The following RSF1 variants were observed in gnomAD, a reference collection of about 807,000 sequenced individuals.
The protein encoded by RSF1 is remodeling and spacing factor 1.
RSF1 carries 13 observed loss-of-function variants against 145.2 expected under a neutral mutation model. That is an observed-to-expected ratio of 0.09 (90% CI 0.06 to 0.14). The LOEUF (loss-of-function observed/expected upper bound fraction) is 0.14, where lower values mean the gene tolerates loss of function less well. RSF1 is among the 10% of genes least tolerant of loss of function. The pLI is 1.00. For synonymous variants in RSF1, 577 were observed against 592.6 expected (o/e 0.97, Z 0.38); for missense variants, 1,517 against 1,718.2 (o/e 0.88, Z 2.07).
chr11:77,757,355 G>A (rs905670460), intron 2 of RSF1, among the ~76,000 whole-genome samples: 1 of 152,148 alleles, frequency 6.6e-6, no homozygotes, highest in East Asian at 1.9e-4. Flanking sequence ...TAAATATGGC[G>A]ACCCAATGAG....
rs114871628 is a variant in RSF1 at position 77,735,049 on chromosome 11, C to T, written c.578+5682G>A. ...CATGGCGGCGACTAAGGAGAGGTGG[C>T]GGCGGTGGCAGTGGCTGCGTGGCGC... On this transcript the variant is annotated intron_variant, in intron 4 of 15. Transcript: ENST00000308488. 2,917 of 1,367,224 alleles carry T rather than the reference C, an allele frequency of 2.1e-3. 45 individuals are homozygous for T. In the African/African-American group the frequency reaches 0.031, roughly 14 times the overall value. The allele number at this position is 1,367,224 out of a possible 1,614,324, so 84.7% of individuals were successfully genotyped here.
chr11:77,831,343 G>A, the RSF1 span, among the ~76,000 whole-genome samples: 1 of 152,074 alleles, frequency 6.6e-6, no homozygotes, highest in Non-Finnish European at 1.5e-5. Flanking sequence ...TCCTTTCCTA[G>A]CTATACCCAA....
rs1411648335 is a variant in RSF1 at position 77,667,251 on chromosome 11, G to A, written c.3992C>T (p.Pro1331Leu). The A allele has an allele frequency of 6.2e-7, 1 of 1,614,094 alleles. No individual in the cohort carries two copies. The change falls in exon 16 of 16, where the codon CCC becomes CTC. Residue 1331 changes from proline (P) to leucine (L), a missense_variant. Pro to Leu is a moderately conservative substitution (Grantham distance 98). This residue lies in a region of RSF1 where 240 missense variants were observed against 231.8 expected (regional missense o/e 1.04). Transcript: ENST00000308488. ...CTTCTTGGTGCTCTCTTGTTCTGAG[G>A]GCAGGACCCTAGGCTGGCTGTCACG... ...PARDSQPRVL[P>L]SEQESTKKPY... is the part of the protein sequence containing the mutation.
chr11:77,840,919 T>G, the RSF1 span: 1 of 397,354 alleles, frequency 2.5e-6, no homozygotes, highest in East Asian at 3.7e-5. Context: ...ACTAAATGTC[T>G]TAATCCATTT....
chr11:77,743,053 A>G (rs1947958710), intron 3 of RSF1, among the ~76,000 whole-genome samples: 2 of 152,156 alleles, frequency 1.3e-5, no homozygotes, highest in South Asian at 4.1e-4. Flanking sequence ...ACTGACCATC[A>G]ATACATGAGT....
intron 4 of RSF1, among the ~76,000 whole-genome samples, chr11:77,740,214 A>G (rs1363218647): frequency 6.6e-6 from 1 of 152,156 alleles, no homozygotes; most frequent in Admixed American, 6.5e-5. Context: ...CATCTCTATT[A>G]AAAATACAAA....
At chr11:77,719,862 G>C (rs1044507452) in intron 5 of RSF1, among the ~76,000 whole-genome samples, 1 of 152,160 alleles carries the variant, frequency 6.6e-6, no homozygotes, top group Non-Finnish European at 1.5e-5. Flanking sequence ...AATTACGCTA[G>C]ATGAAAATGT....
chr11:77,764,723 C>T (rs751725208), intron 1 of RSF1, 34 bp from the exon 2 acceptor site: 2 of 1,183,500 alleles, frequency 1.7e-6, no homozygotes, highest in East Asian at 2.4e-5. Context: ...CATTAGCCAA[C>T]AAAATAAAAC....
In RSF1 at chr11:77,701,661, T is replaced by C. The variant is rs1960427184; in HGVS notation, c.1568A>G (p.His523Arg). 3.1e-6 allele frequency: 5 copies of C among 1,614,108 alleles called. No individual in the cohort carries two copies. The highest frequency in any genetic ancestry group is 4.2e-6 in the Non-Finnish European group (5 of 1,179,990). The stretch of plus-strand genomic sequence containing the variant: ...TTCCTCTATTTGTGCTTTTTGACTA[T>C]GGATCTCTAAGACTGATATTGAACT... ...ADSSISVLEI[H>R]SQKAQIEEPD... Residue 523 changes from histidine (H) to arginine (R), a missense_variant, in exon 6 of 16, where the codon CAT becomes CGT. Physicochemically the swap from His to Arg is conservative, Grantham distance 29 (BLOSUM62 0). This residue lies in a region of RSF1 where 579 missense variants were observed against 553.5 expected (regional missense o/e 1.05). Transcript: ENST00000308488.
At chr11:77,747,210 T>C in intron 2 of RSF1, 82 bp from the exon 3 acceptor site, 1 of 814,090 alleles carries the variant, frequency 1.2e-6, no homozygotes, top group Non-Finnish European at 2.1e-6. Context: ...GCTGTTCTTG[T>C]TAATACATGT....
At chr11:77,803,506 T>C (rs980587827) in intron 1 of RSF1, among the ~76,000 whole-genome samples, 21 of 149,860 alleles carry the variant, frequency 1.4e-4, no homozygotes, top group African/African-American at 4.9e-4. Context: ...TGGCTGGGCA[T>C]AGTGGCTCAT....
intron 1 of RSF1, among the ~76,000 whole-genome samples, chr11:77,789,985 C>A (rs1447202474): frequency 6.6e-6 from 1 of 152,192 alleles, no homozygotes; most frequent in Non-Finnish European, 1.5e-5. Context: ...ATCACAGCCA[C>A]CGCCAACACC....
chr11:77,701,149 G>C lies in RSF1; in HGVS notation c.2080C>G (p.Pro694Ala). 1.6e-5 allele frequency: 26 copies of C among 1,614,014 alleles called. No homozygotes were observed. Among genetic ancestry groups the C allele is most frequent in the East Asian group, 2.2e-5 (1 of 44,880 alleles). The change falls in exon 6 of 16, where the codon CCT becomes GCT. Residue 694 changes from proline (P) to alanine (A), a missense_variant. Pro to Ala is a conservative substitution (Grantham distance 27, BLOSUM62 -1). Around this residue, in one of 12 missense-constraint regions of RSF1, gnomAD observed 579 missense variants for 553.5 expected, o/e 1.05. Transcript: ENST00000308488. ...DNAQTSGIEE[P>A]SETKGSMQKS... is the part of the protein sequence containing the mutation. ...TGCATAGAACCCTTTGTCTCAGAAGGCTCCTCTATGCCAGAGGTCTGGGCA... is the reference window on the plus strand; with the variant it reads ...TGCATAGAACCCTTTGTCTCAGAAGCCTCCTCTATGCCAGAGGTCTGGGCA...
At chr11:77,690,974 C>A in intron 9 of RSF1, 185 bp downstream of exon 9, 2 of 524,434 alleles carry the variant, frequency 3.8e-6, no homozygotes, top group Non-Finnish European at 3.3e-6. Context: ...TTTTTCCCCC[C>A]AATCATTTAA....
chr11:77,842,006 G>C, the RSF1 span, among the ~76,000 whole-genome samples: 1 of 152,094 alleles, frequency 6.6e-6, no homozygotes, highest in Non-Finnish European at 1.5e-5. Context: ...AATGGGGGTT[G>C]TTCCAGGCAA....
intron 1 of RSF1, among the ~76,000 whole-genome samples, chr11:77,805,175 A>G (rs1948665309): frequency 6.6e-6 from 1 of 152,204 alleles, no homozygotes; most frequent in Non-Finnish European, 1.5e-5. Context: ...GCAAATAAAA[A>G]TGACAGAATG....
chr11:77,859,316 T>C, the RSF1 span, among the ~76,000 whole-genome samples: 1 of 152,212 alleles, frequency 6.6e-6, no homozygotes, highest in African/African-American at 2.4e-5. Flanking sequence ...AGTTCCCTTC[T>C]ATTTCCCTTT....
intron 9 of RSF1, among the ~76,000 whole-genome samples, chr11:77,689,506 T>C (rs1960094187): frequency 6.6e-6 from 1 of 152,232 alleles, no homozygotes; most frequent in Non-Finnish European, 1.5e-5. Flanking sequence ...CAATTTATCT[T>C]ACAAGGCCTC....
intron 15 of RSF1, among the ~76,000 whole-genome samples, chr11:77,670,542 C>A (rs1959493721): frequency 6.6e-6 from 1 of 152,128 alleles, no homozygotes; most frequent in African/African-American, 2.4e-5. Context: ...TTCTTCCCAA[C>A]TAAAATAAGA....
Sources: gnomAD v4.1 joint callset for allele counts (sites outside exome capture counted in the v4.1 genomes callset) on GRCh38, gnomAD v4.1.1 for gene constraint, gnomAD v4.1.1 regional missense constraint, MANE v1.5 for transcripts, NCBI Gene and HGNC (gene_info 2026-07-23, HGNC 2026-07-21) for gene names.